The following VMP1 variants were observed in gnomAD, a reference collection of about 807,000 sequenced individuals.
The protein encoded by VMP1 is vacuole membrane protein 1.
Under a neutral mutation model 56.0 loss-of-function variants are expected in VMP1, and 11 were observed. That is an observed-to-expected ratio of 0.20 (90% CI 0.12 to 0.32). The LOEUF (loss-of-function observed/expected upper bound fraction) is 0.32. Ranked by LOEUF, VMP1 falls within the 10% of genes least tolerant of loss-of-function variation. The probability of loss-of-function intolerance (pLI) is 1.00; values close to 1 mark genes in which losing one functional copy is unlikely to be tolerated. For missense variants in VMP1, 296 were observed against 490.3 expected (o/e 0.60, Z 3.74); for synonymous variants, 149 against 165.0 (o/e 0.90, Z 0.74).
chr17:59,813,011 T>A (rs1220829173), intron 9 of VMP1, among the ~76,000 whole-genome samples: 7 of 152,084 alleles, frequency 4.6e-5, no homozygotes, highest in South Asian at 4.1e-4. Flanking sequence ...TCCCCAAAGT[T>A]TCTATGTTAA....
At chr17:59,732,618 G>T (rs1254783651) in intron 2 of VMP1, among the ~76,000 whole-genome samples, 1 of 152,144 alleles carries the variant, frequency 6.6e-6, no homozygotes, top group East Asian at 1.9e-4. Flanking sequence ...GGTTACTTTG[G>T]TTGTCAGTAA....
intron 5 of VMP1, among the ~76,000 whole-genome samples, chr17:59,740,706 C>T (rs1475257235): frequency 1.3e-5 from 2 of 152,056 alleles, no homozygotes; most frequent in African/African-American, 4.8e-5. Flanking sequence ...TAACTGCATT[C>T]GTAGTAGAAT....
intron 7 of VMP1, among the ~76,000 whole-genome samples, chr17:59,801,328 C>T (rs894937484): frequency 6.6e-6 from 1 of 151,586 alleles, no homozygotes; most frequent in African/African-American, 2.4e-5. Context: ...CCACTGTAGC[C>T]TCAACTTCCT....
intron 5 of VMP1, among the ~76,000 whole-genome samples, chr17:59,739,823 C>A (rs2035158894): frequency 6.6e-6 from 1 of 150,524 alleles, no homozygotes; most frequent in African/African-American, 2.4e-5. Flanking sequence ...CACCTGTAAT[C>A]CCAGCACTTT....
intron 1 of VMP1, among the ~76,000 whole-genome samples, chr17:59,728,561 G>A (rs890460456): frequency 1.3e-5 from 2 of 152,140 alleles, no homozygotes; most frequent in South Asian, 2.1e-4. Flanking sequence ...ATAGAGACGC[G>A]TGGGTAGTGG....
At chr17:59,798,129 G>A (rs2037508799) in intron 7 of VMP1, among the ~76,000 whole-genome samples, 1 of 152,160 alleles carries the variant, frequency 6.6e-6, no homozygotes, top group Non-Finnish European at 1.5e-5. Context: ...TATACGTTAT[G>A]CCTTAGTTTA....
At chr17:59,732,955 C>T (rs1216804551) in intron 2 of VMP1, among the ~76,000 whole-genome samples, 1 of 151,824 alleles carries the variant, frequency 6.6e-6, no homozygotes, top group Non-Finnish European at 1.5e-5. Context: ...ATCTCTTGAG[C>T]CCAGGAGTTT....
chr17:59,730,294 G>T (rs1216174863), intron 1 of VMP1, among the ~76,000 whole-genome samples: 2 of 151,352 alleles, frequency 1.3e-5, no homozygotes, highest in Non-Finnish European at 2.9e-5. Context: ...TTGAAGCAGG[G>T]TCTCCCTTTT....
intron 7 of VMP1, among the ~76,000 whole-genome samples, chr17:59,774,933 CA>C (rs781573256): frequency 0.016 from 2,091 of 134,526 alleles, 36 homozygotes; most frequent in African/African-American, 0.053. Flanking sequence ...CTTGTCTCTA[CA>C]AAAAAAATTT....
chr17:59,825,123 A>G (rs1378768157), intron 10 of VMP1, among the ~76,000 whole-genome samples: 3 of 46,236 alleles, frequency 6.5e-5, no homozygotes, highest in African/African-American at 2.0e-4. Flanking sequence ...GTTTTGTTCT[A>G]TTGCCCAGGC....
At chr17:59,789,856 T>TC (rs2037160314) in intron 7 of VMP1, among the ~76,000 whole-genome samples, 1 of 128,260 alleles carries the variant, frequency 7.8e-6, no homozygotes. Context: ...TTTTTTTTTT[T>TC]TGAGACGGAG....
At chr17:59,731,152 C>G (rs1307030865) in intron 1 of VMP1, among the ~76,000 whole-genome samples, 2 of 152,106 alleles carry the variant, frequency 1.3e-5, no homozygotes, top group African/African-American at 4.8e-5. Flanking sequence ...AAATTTCAAT[C>G]TGGAAGATCC....
At chr17:59,721,324 C>T (rs1020291625) in intron 1 of VMP1, among the ~76,000 whole-genome samples, 15 of 152,032 alleles carry the variant, frequency 9.9e-5, no homozygotes, top group East Asian at 7.7e-4. Flanking sequence ...CCAGCCTGGG[C>T]GACAAGAGCG....
At chr17:59,726,146 A>C (rs1278218990) in intron 1 of VMP1, among the ~76,000 whole-genome samples, 1 of 152,188 alleles carries the variant, frequency 6.6e-6, no homozygotes, top group Non-Finnish European at 1.5e-5. Flanking sequence ...CTGGCTTTAA[A>C]ATATCTTAAA....
intron 7 of VMP1, among the ~76,000 whole-genome samples, chr17:59,795,440 A>G (rs1448696933): frequency 6.6e-6 from 1 of 150,486 alleles, no homozygotes; most frequent in East Asian, 1.9e-4. Context: ...TTTTTGATAT[A>G]TTTTCCTTCT....
intron 10 of VMP1, among the ~76,000 whole-genome samples, chr17:59,818,955 A>G (rs2087311000): frequency 6.6e-6 from 1 of 152,124 alleles, no homozygotes; most frequent in Non-Finnish European, 1.5e-5. Context: ...TTTGCTATTT[A>G]AAAAAAGAAT....
intron 7 of VMP1, among the ~76,000 whole-genome samples, chr17:59,782,588 G>A (rs1267391948): frequency 1.3e-5 from 2 of 152,058 alleles, no homozygotes; most frequent in Admixed American, 1.3e-4. Flanking sequence ...CTTTGTTGCT[G>A]GGATCTGCTC....
chr17:59,780,083 C>T (rs2036765857), intron 7 of VMP1, among the ~76,000 whole-genome samples: 1 of 152,064 alleles, frequency 6.6e-6, no homozygotes, highest in African/African-American at 2.4e-5. Context: ...TCTCTGATAC[C>T]ACTTTTTCTT....
At chr17:59,738,722 A>G (rs1044844346) in intron 4 of VMP1, 115 bp from the exon 5 acceptor site, 11 of 739,680 alleles carry the variant, frequency 1.5e-5, no homozygotes, top group Non-Finnish European at 2.2e-5. Context: ...TTTTAATCTT[A>G]TTAGTTTTTT....
Sources: gnomAD v4.1 joint callset for allele counts (sites outside exome capture counted in the v4.1 genomes callset) on GRCh38, gnomAD v4.1.1 for gene constraint, MANE v1.5 for transcripts, NCBI Gene and HGNC (gene_info 2026-07-23, HGNC 2026-07-21) for gene names.